Variants in BCAR3 observed in about 807,000 individuals in gnomAD.
BCAR3 encodes the protein BCAR3 adaptor protein, NSP family member.
A neutral mutation model predicts 80.1 loss-of-function variants in BCAR3; 37 were observed. The observed-to-expected ratio is 0.46, with a 90% CI of 0.36 to 0.61. The LOEUF (loss-of-function observed/expected upper bound fraction) is 0.61, where lower values mean the gene tolerates loss of function less well. Ranked by LOEUF, BCAR3 falls within the 20% of genes least tolerant of loss-of-function variation. The pLI, the probability that BCAR3 is intolerant of heterozygous loss-of-function variation, is 0.00. For synonymous variants in BCAR3, 389 were observed against 418.9 expected, an observed-to-expected ratio of 0.93 and a Z score of 0.87; for missense variants, 978 against 1,068.2, an observed-to-expected ratio of 0.92 and a Z score of 1.18.
intron 2 of BCAR3, among the ~76,000 whole-genome samples, chr1:93,771,639 G>T (rs2818164): frequency 0.29 from 43,589 of 152,106 alleles, 7,216 homozygotes; most frequent in East Asian, 0.53. Context: ...TTTCTAAATT[G>T]TGTGATGTTT....
chr1:93,604,282 A>G (rs1348011676), intron 3 of BCAR3, among the ~76,000 whole-genome samples: 2 of 152,242 alleles, frequency 1.3e-5, no homozygotes, highest in African/African-American at 4.8e-5. Flanking sequence ...AAATACCATC[A>G]AAACCCCTAG....
At chr1:93,613,503 T>A (rs894164055) in intron 3 of BCAR3, among the ~76,000 whole-genome samples, 1 of 152,196 alleles carries the variant, frequency 6.6e-6, no homozygotes. Context: ...AGCTACCTTG[T>A]GTTCGTTAGA....
chr1:93,718,039 T>A (rs1650249768), intron 2 of BCAR3, among the ~76,000 whole-genome samples: 1 of 152,244 alleles, frequency 6.6e-6, no homozygotes, highest in African/African-American at 2.4e-5. Flanking sequence ...GTTCTGTTTG[T>A]CACATTTAAT....
intron 3 of BCAR3, chr1:93,602,197 C>T (rs1469577256): frequency 2.0e-5 from 3 of 152,086 alleles, no homozygotes; most frequent in Non-Finnish European, 4.4e-5. Context: ...AAGTGATCCT[C>T]CCGCCTCAGC....
chr1:93,731,485 C>A (rs1650786992), intron 2 of BCAR3, among the ~76,000 whole-genome samples: 1 of 152,054 alleles, frequency 6.6e-6, no homozygotes, highest in African/African-American at 2.4e-5. Flanking sequence ...CAGGGGAAAG[C>A]CGCTGGGCCT....
intron 2 of BCAR3, among the ~76,000 whole-genome samples, chr1:93,809,911 G>A (rs6702162): frequency 0.32 from 47,780 of 151,598 alleles, 10,869 homozygotes; most frequent in African/African-American, 0.65. Flanking sequence ...GATATAAATG[G>A]AACTGCTGGC....
chr1:93,652,927 T>C (rs917153098), intron 2 of BCAR3, among the ~76,000 whole-genome samples: 3 of 152,232 alleles, frequency 2.0e-5, no homozygotes, highest in African/African-American at 4.8e-5. Flanking sequence ...ACTTTAGAAA[T>C]GTTTAGTTGA....
At chr1:93,611,795 C>T (rs1326385450) in intron 3 of BCAR3, among the ~76,000 whole-genome samples, 1 of 152,130 alleles carries the variant, frequency 6.6e-6, no homozygotes, top group Non-Finnish European at 1.5e-5. Flanking sequence ...TAGTTTTGTT[C>T]CCATACAGCA....
At chr1:93,803,815 A>G (rs139249008) in intron 2 of BCAR3, among the ~76,000 whole-genome samples, 49 of 152,360 alleles carry the variant, frequency 3.2e-4, no homozygotes, top group African/African-American at 1.1e-3. Context: ...CAGGAGGCAC[A>G]GTATTTATAT....
chr1:93,745,677 G>C (rs1056388358), intron 2 of BCAR3, among the ~76,000 whole-genome samples: 4 of 152,278 alleles, frequency 2.6e-5, no homozygotes, highest in African/African-American at 9.6e-5. Context: ...GGGGTGGGGA[G>C]GCAGGGGTAG....
chr1:93,630,806 G>T (rs973908006), intron 3 of BCAR3, among the ~76,000 whole-genome samples: 4 of 152,166 alleles, frequency 2.6e-5, no homozygotes, highest in Admixed American at 6.5e-5. Context: ...CTAAGTACAT[G>T]TGGGGCACTG....
chr1:93,751,479 G>T (rs1041172916), intron 2 of BCAR3, among the ~76,000 whole-genome samples: 2 of 152,098 alleles, frequency 1.3e-5, no homozygotes, highest in Non-Finnish European at 2.9e-5. Flanking sequence ...AGCTGGCCTG[G>T]TATCACCAGA....
intron 2 of BCAR3, among the ~76,000 whole-genome samples, chr1:93,719,340 T>TTG (rs1169559106): frequency 7.0e-5 from 9 of 128,688 alleles, no homozygotes; most frequent in African/African-American, 2.4e-4. Context: ...TCTTGTTTTT[T>TTG]TTTTTTTTTT....
intron 2 of BCAR3, among the ~76,000 whole-genome samples, chr1:93,706,670 A>G (rs1038950555): frequency 3.9e-5 from 6 of 152,182 alleles, no homozygotes; most frequent in Non-Finnish European, 7.3e-5. Flanking sequence ...AGTTATTATG[A>G]GAGTTAAATG....
At chr1:93,640,665 C>T (rs1675948946) in intron 3 of BCAR3, among the ~76,000 whole-genome samples, 1 of 152,258 alleles carries the variant, frequency 6.6e-6, no homozygotes, top group South Asian at 2.1e-4. Context: ...TACCACTCAA[C>T]TCACAATGAT....
At chr1:93,822,273 G>T (rs970291173) in intron 2 of BCAR3, among the ~76,000 whole-genome samples, 1 of 151,230 alleles carries the variant, frequency 6.6e-6, no homozygotes, top group African/African-American at 2.4e-5. Flanking sequence ...CACCTCCCAG[G>T]TTCAAGCGAT....
At chr1:93,755,091 T>C (rs1651698225) in intron 2 of BCAR3, among the ~76,000 whole-genome samples, 1 of 151,984 alleles carries the variant, frequency 6.6e-6, no homozygotes, top group South Asian at 2.1e-4. Context: ...CTAAAAATAT[T>C]AAGTAAAAAA....
In BCAR3 at chr1:93,717,842, C is replaced by T. The variant is rs188631485; in HGVS notation, c.-62-11700G>A. Reference sequence around the variant, plus strand: ...TGGGGCTGCTCATTGTGGAAAATTGCGTAAGAGTCTGAGAGTGTGGCCTGC... The same window carrying T: ...TGGGGCTGCTCATTGTGGAAAATTGTGTAAGAGTCTGAGAGTGTGGCCTGC... On this transcript the variant is annotated intron_variant, in intron 2 of 13. Transcript: ENST00000370244. Among the ~76,000 whole-genome samples the T allele has an allele frequency of 5.3e-5, 8 of 152,004 alleles. No individual in the cohort carries two copies. In the East Asian group the frequency reaches 1.2e-3, roughly 22 times the overall value.
At chr1:93,575,787 C>CA (rs2101816739) in intron 8 of BCAR3, among the ~76,000 whole-genome samples, 1 of 152,312 alleles carries the variant, frequency 6.6e-6, no homozygotes, top group Admixed American at 6.5e-5. Flanking sequence ...CCTCCAGGAG[C>CA]AGGGACGGGA....
Sources: allele counts gnomAD v4.1 joint callset (sites outside exome capture counted in the v4.1 genomes callset), GRCh38; gene constraint gnomAD v4.1.1; transcripts MANE v1.5; gene names NCBI Gene and HGNC (gene_info 2026-07-23, HGNC 2026-07-21).